GLB1L3: variants seen among roughly 807,000 people sequenced by gnomAD.
GLB1L3 encodes the protein galactosidase beta 1 like 3, also known as beta-galactosidase-1-like protein 3.
In GLB1L3, 89 loss-of-function variants were observed where a neutral mutation model predicts 89.5. The ratio of observed to expected loss-of-function variants is 0.99; its 90% CI spans 0.84 to 1.19. The LOEUF is 1.19. Ranked by LOEUF, GLB1L3 falls within the 50% of genes most tolerant of loss-of-function variation. The pLI is 0.00. For synonymous variants in GLB1L3, 314 were observed against 312.3 expected, an observed-to-expected ratio of 1.01 and a Z score of -0.06; for missense variants, 812 against 813.3, an observed-to-expected ratio of 1.00 and a Z score of 0.02.
At chr11:134,308,376 ACC>A (rs1942419494) in intron 10 of GLB1L3, among the ~76,000 whole-genome samples, 7 of 63,128 alleles carry the variant, frequency 1.1e-4, no homozygotes, top group Non-Finnish European at 2.1e-4. Context: ...CACCACCACC[ACC>A]ATCACCACCA....
intron 15 of GLB1L3, 136 bp from the exon 16 acceptor site, chr11:134,313,260 G>T: frequency 1.5e-6 from 1 of 654,930 alleles, no homozygotes; most frequent in South Asian, 1.8e-5. Context: ...GTCCTTAGGT[G>T]AAGGGAAGAC....
intron 9 of GLB1L3, among the ~76,000 whole-genome samples, chr11:134,300,654 C>T (rs1941900913): frequency 6.6e-6 from 1 of 152,102 alleles, no homozygotes; most frequent in Admixed American, 6.5e-5. Context: ...ACATTTTAAT[C>T]AAGGCGCCTA....
At chr11:134,297,208 T>A (rs1941698393) in intron 9 of GLB1L3, among the ~76,000 whole-genome samples, 1 of 152,230 alleles carries the variant, frequency 6.6e-6, no homozygotes, top group South Asian at 2.1e-4. Flanking sequence ...TAGCTTTCTT[T>A]TAATTAATAC....
chr11:134,294,103 G>A (rs1417736912), intron 9 of GLB1L3, among the ~76,000 whole-genome samples: 1 of 150,354 alleles, frequency 6.7e-6, no homozygotes, highest in Non-Finnish European at 1.5e-5. Context: ...TCTCACTCTT[G>A]TTGCCCAGGC....
At chr11:134,313,543 G>T in intron 16 of GLB1L3, 69 bp downstream of exon 16, 4 of 1,271,318 alleles carry the variant, frequency 3.1e-6, no homozygotes, top group Non-Finnish European at 4.5e-6. Flanking sequence ...CTGGAGTCGG[G>T]GGCGGGAGAG....
At chr11:134,305,249 A>C (rs1413562680) in intron 9 of GLB1L3, 6 of 743,244 alleles carry the variant, frequency 8.1e-6, no homozygotes, top group Admixed American at 6.0e-5. Context: ...TGTAAAGTGC[A>C]TTCCCTTCAC....
At chr11:134,308,413 CCACCATCATCACCAT>C (rs1942438863) in intron 10 of GLB1L3, among the ~76,000 whole-genome samples, 4 of 37,116 alleles carry the variant, frequency 1.1e-4, no homozygotes, top group African/African-American at 3.1e-4. Flanking sequence ...ATCACCACCA[CCACCATCATCACCAT>C]CACCACCACC....
intron 3 of GLB1L3, among the ~76,000 whole-genome samples, chr11:134,280,546 G>A (rs1940628260): frequency 1.3e-5 from 2 of 151,912 alleles, no homozygotes; most frequent in South Asian, 2.1e-4. Flanking sequence ...TCTTAGAGGG[G>A]TACTTTAAAT....
In GLB1L3 at chr11:134,312,835, T is replaced by C. The variant is rs781477900; in HGVS notation, c.1448T>C (p.Met483Thr). 5.0e-6 allele frequency: 8 copies of C among 1,611,974 alleles called. No homozygotes were observed. The Admixed American group carries it at 1.3e-4, about 27-fold the overall frequency. ...TTGCAGGTGTTTTTGGATGAGACAA[T>C]GATAGGGATTCTGAATGAGAATAAT... ...DVAQVFLDETMIGILNENNKD... is the reference protein window; with the variant it reads ...DVAQVFLDETTIGILNENNKD... The change falls in exon 15 of 20, where the codon ATG becomes ACG. Residue 483 changes from methionine (M) to threonine (T), a missense_variant. This residue lies in a region of GLB1L3 where 618 missense variants were observed against 604.0 expected (regional missense o/e 1.02). Coordinates refer to ENST00000431683, the MANE Select transcript of GLB1L3 (RefSeq NM_001080407.3).
chr11:134,276,738 G>T lies in GLB1L3; in HGVS notation c.-3G>T, dbSNP rs1464906504. The T allele has an allele frequency of 6.9e-7, 1 of 1,450,676 alleles. No homozygotes were observed. The highest frequency in any genetic ancestry group is 1.3e-5 in the South Asian group (1 of 74,652). The allele number at this position is 1,450,676 out of a possible 1,614,324, so 89.9% of individuals were successfully genotyped here. ...GGACCCTCGGCGCCTCGGCCTGGCC[G>T]CGATGAAGTCCCCGCCCCTCCTCAG... On this transcript the variant is annotated 5_prime_UTR_variant, in exon 1 of 20. Coordinates refer to ENST00000431683, the MANE Select transcript of GLB1L3 (RefSeq NM_001080407.3).
chr11:134,308,489 T>TCACCACCACCACCACCAC (rs1555080443), intron 10 of GLB1L3, among the ~76,000 whole-genome samples: 1 of 6,102 alleles, frequency 1.6e-4, no homozygotes, highest in Non-Finnish European at 3.0e-4. Flanking sequence ...ACCACCACCA[T>TCACCACCACCACCACCAC]CACCACCAAA....
intron 18 of GLB1L3, among the ~76,000 whole-genome samples, chr11:134,316,027 A>C (rs1336576277): frequency 6.6e-6 from 1 of 152,200 alleles, no homozygotes; most frequent in Non-Finnish European, 1.5e-5. Flanking sequence ...GTGAACGATT[A>C]AGTAGTCTTT....
intron 10 of GLB1L3, among the ~76,000 whole-genome samples, chr11:134,307,552 G>A (rs1942260201): frequency 1.3e-5 from 2 of 152,150 alleles, no homozygotes; most frequent in African/African-American, 2.4e-5. Context: ...GGTGGTCACC[G>A]AAGCTTCTCT....
chr11:134,277,957 T>A, intron 3 of GLB1L3, 45 bp downstream of exon 3: 1 of 1,593,524 alleles, frequency 6.3e-7, no homozygotes, highest in Non-Finnish European at 8.6e-7. Context: ...ACCCTACAAG[T>A]GCATCCTGGC....
At chr11:134,311,960 C>A in intron 13 of GLB1L3, 1 of 160,496 alleles carries the variant, frequency 6.2e-6, no homozygotes. Context: ...CCACGCCCAG[C>A]TACATTTTTA....
At chr11:134,314,097 T>C in intron 17 of GLB1L3, 69 bp downstream of exon 17, 1 of 1,091,004 alleles carries the variant, frequency 9.2e-7, no homozygotes. Flanking sequence ...GATTCCTCAT[T>C]GCAGATAAAG....
intron 18 of GLB1L3, among the ~76,000 whole-genome samples, chr11:134,314,901 A>G (rs1417758059): frequency 1.3e-5 from 2 of 152,172 alleles, no homozygotes. Flanking sequence ...CTTTTTCTGT[A>G]TAAATACACA....
At chr11:134,307,332 A>T in intron 10 of GLB1L3, 124 bp downstream of exon 10, 2 of 695,184 alleles carry the variant, frequency 2.9e-6, no homozygotes, top group East Asian at 5.6e-5. Context: ...AACTTTTCAC[A>T]TACAAGCACT....
At chr11:134,296,593 C>G (rs1237378827) in intron 9 of GLB1L3, among the ~76,000 whole-genome samples, 2 of 146,808 alleles carry the variant, frequency 1.4e-5, no homozygotes, top group African/African-American at 5.0e-5. Context: ...ATCTCAAGAA[C>G]AAAAAACCAA....
Sources: allele counts gnomAD v4.1 joint callset (sites outside exome capture counted in the v4.1 genomes callset), GRCh38; gene constraint gnomAD v4.1.1; regional missense constraint gnomAD v4.1.1; transcripts MANE v1.5; gene names NCBI Gene and HGNC (gene_info 2026-07-23, HGNC 2026-07-21).